The following CCDC150 variants were observed in gnomAD, a reference collection of about 807,000 sequenced individuals.
CCDC150 encodes coiled-coil domain-containing protein 150.
CCDC150 carries 151 observed loss-of-function variants against 156.5 expected under a neutral mutation model. The observed-to-expected ratio is 0.97, with a 90% CI of 0.85 to 1.10. CCDC150 has a LOEUF of 1.10. CCDC150 is among the 50% of genes least tolerant of loss of function. CCDC150 has a pLI of 0.00. For missense variants in CCDC150, 1,312 were observed against 1,268.1 expected, an observed-to-expected ratio of 1.03 and a Z score of -0.53; for synonymous variants, 452 against 429.4, an observed-to-expected ratio of 1.05 and a Z score of -0.65.
At chr2:196,708,362 G>T (rs1200394435) in intron 15 of CCDC150, among the ~76,000 whole-genome samples, 1 of 152,124 alleles carries the variant, frequency 6.6e-6, no homozygotes, top group Admixed American at 6.5e-5. Context: ...TTGCTTGGTA[G>T]ATCTTCCTCC....
chr2:196,720,339 TAAA>T, intron 19 of CCDC150: 1 of 479,284 alleles, frequency 2.1e-6, no homozygotes, highest in South Asian at 2.6e-5. Context: ...GGAATGGTAT[TAAA>T]AATACTATTC....
chr2:196,717,425 T>G (rs1187057148), intron 17 of CCDC150, among the ~76,000 whole-genome samples: 1 of 152,180 alleles, frequency 6.6e-6, no homozygotes, highest in Non-Finnish European at 1.5e-5. Flanking sequence ...TGCATGGAAC[T>G]GTGTGCATGC....
At chr2:196,685,756 C>G (rs1304333206) in intron 13 of CCDC150, among the ~76,000 whole-genome samples, 1 of 152,050 alleles carries the variant, frequency 6.6e-6, no homozygotes, top group East Asian at 1.9e-4. Context: ...GGACTACAGG[C>G]GCCTACCACC....
intron 17 of CCDC150, chr2:196,713,508 C>T (rs1243174619): frequency 1.3e-6 from 2 of 1,550,640 alleles, no homozygotes; most frequent in South Asian, 1.2e-5. Context: ...GTGAGCTTTG[C>T]ACCTAACCTG....
chr2:196,723,072 A>G (rs573686480), intron 21 of CCDC150, among the ~76,000 whole-genome samples: 1 of 152,336 alleles, frequency 6.6e-6, no homozygotes, highest in South Asian at 2.1e-4. Flanking sequence ...AACTGTATTT[A>G]TCAGTGCACA....
intron 17 of CCDC150, among the ~76,000 whole-genome samples, chr2:196,717,686 G>A (rs1001765144): frequency 2.0e-5 from 3 of 152,150 alleles, no homozygotes; most frequent in Admixed American, 1.3e-4. Flanking sequence ...GAGGTTAGGA[G>A]TTCGAGACCA....
chr2:196,694,627 G>A (rs1340927241), intron 13 of CCDC150, among the ~76,000 whole-genome samples: 1 of 152,126 alleles, frequency 6.6e-6, no homozygotes, highest in Admixed American at 6.6e-5. Flanking sequence ...ACTTTGTGGG[G>A]CTGAGGCGGG....
In CCDC150 at chr2:196,701,168, CG is replaced by C; in HGVS notation, c.1685del (p.Gly562GlufsTer5). ...GTAAAAATAAACTGGCCTATGAAAA[CG>C]GAAAACTCCAGGTATGAGATTTATT... ...ESKNKLAYEN[G>X]KLQIKVKQLE... is the part of the protein sequence containing the mutation. On this transcript the variant is annotated frameshift_variant, in exon 15 of 28. Coordinates refer to ENST00000389175, the MANE Select transcript of CCDC150 (RefSeq NM_001080539.2). LOFTEE classifies it high-confidence loss of function. 1 of 1,600,268 alleles carries C rather than the reference CG, an allele frequency of 6.2e-7. No homozygotes were observed. Among genetic ancestry groups the C allele is most frequent in the Non-Finnish European group, 8.5e-7 (1 of 1,172,408 alleles).
chr2:196,682,952 ATG>A (rs1202363812), intron 13 of CCDC150, among the ~76,000 whole-genome samples: 2 of 151,874 alleles, frequency 1.3e-5, no homozygotes, highest in Non-Finnish European at 2.9e-5. Context: ...TCTATTTGCT[ATG>A]TCTATTTGTA....
chr2:196,687,489 T>C (rs939418058), intron 13 of CCDC150, among the ~76,000 whole-genome samples: 1 of 152,172 alleles, frequency 6.6e-6, no homozygotes, highest in Non-Finnish European at 1.5e-5. Flanking sequence ...AAATTTAAGT[T>C]CCTTATAGAT....
At chr2:196,694,443 A>G (rs1199816599) in intron 13 of CCDC150, among the ~76,000 whole-genome samples, 1 of 152,196 alleles carries the variant, frequency 6.6e-6, no homozygotes, top group Non-Finnish European at 1.5e-5. Flanking sequence ...GGGGAACTAT[A>G]TAATTTACGA....
intron 9 of CCDC150, among the ~76,000 whole-genome samples, chr2:196,673,985 A>G (rs1338222263): frequency 6.6e-6 from 1 of 152,182 alleles, no homozygotes; most frequent in Non-Finnish European, 1.5e-5. Context: ...TGTGAAGAAC[A>G]GAAGATCAGT....
Position 196,725,989 on chromosome 2 carries a change from G to A in CCDC150, c.2446G>A (p.Glu816Lys). 6.3e-7 allele frequency: 1 copy of A among 1,599,786 alleles called. No homozygotes were observed. The highest frequency in any genetic ancestry group is 8.5e-7 in the Non-Finnish European group (1 of 1,172,694). Residue 816 changes from glutamate to lysine, a missense_variant, in exon 22 of 28, where the codon GAG becomes AAG. By Grantham distance (56) the Glu-to-Lys change is moderately conservative (BLOSUM62 1). Transcript: ENST00000389175. Reference sequence around the variant, plus strand: ...TCAAAACAGAGACCGGATGACTGAAGAGTCCAAAGTGGAAGCAGAATTGCA... The same window carrying A: ...TCAAAACAGAGACCGGATGACTGAAAAGTCCAAAGTGGAAGCAGAATTGCA... ...LETFKDRMTE[E>K]SKVEAELHAE...
In CCDC150 at chr2:196,712,162, A is replaced by G. The variant is rs370324961; in HGVS notation, c.1713A>G (p.Leu571=). The G allele has an allele frequency of 7.0e-5, 109 of 1,556,744 alleles. No individual in the cohort carries two copies. In the African/African-American group the frequency reaches 7.3e-4, roughly 10 times the overall value. ...NGKLQIKVKQ[L]EEQVQSFTDT... is the part of the protein sequence containing the mutation. Reference sequence around the variant, plus strand: ...TCCTCTAGATAAAAGTTAAACAGCTAGAAGAACAAGTACAGTCTTTTACTG... The same window carrying G: ...TCCTCTAGATAAAAGTTAAACAGCTGGAAGAACAAGTACAGTCTTTTACTG... The change falls in exon 16 of 28, where the codon CTA becomes CTG. Residue 571 remains leucine (L), a synonymous_variant. Transcript: ENST00000389175.
intron 6 of CCDC150, 74 bp from the exon 7 acceptor site, chr2:196,666,645 T>C: frequency 7.8e-7 from 1 of 1,277,618 alleles, no homozygotes. Flanking sequence ...AATGTTGCCT[T>C]ATACATGTGC....
At position 196,732,636 on chromosome 2, in the gene CCDC150, C is replaced by G; in HGVS notation, c.*74C>G. ...CAAGAGCCCAGCAGCCGGGGCTGGC[C>G]TGTTTCTAGAGTCATAAGAACATGA... On this transcript the variant is annotated 3_prime_UTR_variant, in exon 28 of 28. Coordinates refer to ENST00000389175, the MANE Select transcript of CCDC150 (RefSeq NM_001080539.2). The G allele has an allele frequency of 1.0e-6, 1 of 995,250 alleles. No individual in the cohort carries two copies. The highest frequency in any genetic ancestry group is 1.6e-6 in the Non-Finnish European group (1 of 628,332). The allele number at this position is 995,250 out of a possible 1,614,324, so 61.7% of individuals were successfully genotyped here.
At chr2:196,646,798 A>C (rs1354781629) in intron 2 of CCDC150, among the ~76,000 whole-genome samples, 1 of 142,756 alleles carries the variant, frequency 7.0e-6, no homozygotes, top group African/African-American at 2.5e-5. Flanking sequence ...TGTAATAAAA[A>C]AAGATTTGTT....
chr2:196,720,906 C>T (rs1015746553), intron 20 of CCDC150, among the ~76,000 whole-genome samples: 17 of 151,944 alleles, frequency 1.1e-4, no homozygotes, highest in African/African-American at 3.9e-4. Flanking sequence ...CTTATATGGT[C>T]TACATTTTTA....
At chr2:196,732,804 T>C (rs556750274), downstream of CCDC150, 14 of 309,434 alleles carry the variant, frequency 4.5e-5, no homozygotes, top group Admixed American at 9.3e-5. Flanking sequence ...TGATAGGAGA[T>C]GGTGTTGCAT....
Sources: allele counts gnomAD v4.1 joint callset (sites outside exome capture counted in the v4.1 genomes callset), GRCh38; gene constraint gnomAD v4.1.1; transcripts MANE v1.5; gene names NCBI Gene and HGNC (gene_info 2026-07-23, HGNC 2026-07-21).